Variants in COX10 observed in about 807,000 individuals in gnomAD.
COX10 encodes the protein protoheme IX farnesyltransferase, mitochondrial.
Under a neutral mutation model 37.3 loss-of-function variants are expected in COX10, and 27 were observed. The observed-to-expected ratio is 0.72, with a 90% CI of 0.53 to 1.00. The LOEUF is 1.00. Ranked by LOEUF, COX10 falls within the 50% of genes least tolerant of loss-of-function variation. COX10 has a pLI of 0.00. For missense variants in COX10, 475 were observed against 563.2 expected (o/e 0.84, Z 1.59); for synonymous variants, 222 against 229.1 (o/e 0.97, Z 0.28).
At chr17:14,132,706 A>T (rs955283278) in intron 4 of COX10, among the ~76,000 whole-genome samples, 34 of 151,756 alleles carry the variant, frequency 2.2e-4, no homozygotes, top group Admixed American at 3.9e-4. Flanking sequence ...AGAAGAAGAA[A>T]AAAGACATGT....
chr17:14,092,125 T>G (rs1915541500), intron 3 of COX10, among the ~76,000 whole-genome samples: 1 of 152,150 alleles, frequency 6.6e-6, no homozygotes, highest in Non-Finnish European at 1.5e-5. Context: ...GGAAAAGCGA[T>G]AATTGAAAGA....
chr17:14,204,918 A>G (rs1414375068), intron 6 of COX10, among the ~76,000 whole-genome samples: 1 of 152,134 alleles, frequency 6.6e-6, no homozygotes, highest in Non-Finnish European at 1.5e-5. Context: ...CCTGGGCAAC[A>G]TGGTGAGACC....
At chr17:14,119,478 A>G (rs1916184388) in intron 4 of COX10, among the ~76,000 whole-genome samples, 1 of 152,190 alleles carries the variant, frequency 6.6e-6, no homozygotes, top group African/African-American at 2.4e-5. Flanking sequence ...CCTATTGCCT[A>G]GTGAGGGATG....
At chr17:14,202,223 CTT>C (rs66479644) in intron 6 of COX10, among the ~76,000 whole-genome samples, 4 of 140,048 alleles carry the variant, frequency 2.9e-5, no homozygotes, top group Admixed American at 7.1e-5. Context: ...GTGGCAACAA[CTT>C]TTTTTTTTTT....
chr17:14,097,105 G>A (rs1915668543), intron 3 of COX10, among the ~76,000 whole-genome samples: 1 of 152,066 alleles, frequency 6.6e-6, no homozygotes, highest in African/African-American at 2.4e-5. Flanking sequence ...GGAATAGATT[G>A]CATTCACTTT....
At chr17:14,074,256 G>T in intron 1 of COX10, 67 bp from the exon 2 acceptor site, 1 of 1,589,894 alleles carries the variant, frequency 6.3e-7, no homozygotes. Flanking sequence ...TTCTGGGGAG[G>T]TGTAGTCATC....
rs555820834 is a variant in COX10, at chr17:14,145,203, G to A, written c.625-14674G>A. On this transcript the variant is annotated intron_variant, in intron 4 of 6. Transcript: ENST00000261643. ...GGGGCAGGGAGGGGTGGGTGGGGGC[G>A]CTGTGTAGAAACATCAGATTCTTGA... 1.4e-4 allele frequency among the ~76,000 whole-genome samples: 22 copies of A among 152,024 alleles called. No individual in the cohort carries two copies. In the East Asian group the frequency reaches 2.7e-3, roughly 19 times the overall value.
At chr17:14,079,970 A>T (rs2142184545) in intron 3 of COX10, among the ~76,000 whole-genome samples, 1 of 152,122 alleles carries the variant, frequency 6.6e-6, no homozygotes, top group East Asian at 1.9e-4. Context: ...CATTGTATGG[A>T]TCTGCCATTA....
chr17:14,197,337 GCCT>G (rs1471803222), intron 6 of COX10, among the ~76,000 whole-genome samples: 2 of 152,248 alleles, frequency 1.3e-5, no homozygotes, highest in African/African-American at 4.8e-5. Context: ...ATTCCAGGGG[GCCT>G]TGAGCACTGA....
intron 4 of COX10, among the ~76,000 whole-genome samples, chr17:14,136,782 T>C (rs1001392669): frequency 6.6e-6 from 1 of 152,060 alleles, no homozygotes. Context: ...CATAAAGATA[T>C]TTGCATGTGA....
At chr17:14,153,667 TG>T (rs1018478740) in intron 4 of COX10, among the ~76,000 whole-genome samples, 63 of 152,310 alleles carry the variant, frequency 4.1e-4, no homozygotes, top group Admixed American at 1.0e-3. Flanking sequence ...AATGAAAAAG[TG>T]GCACAACCAC....
intron 2 of COX10, among the ~76,000 whole-genome samples, chr17:14,075,189 T>C (rs112234116): frequency 1.3e-5 from 2 of 152,336 alleles, no homozygotes; most frequent in Admixed American, 6.5e-5. Flanking sequence ...AAACTCGATA[T>C]GTTGATAAGA....
chr17:14,194,208 G>A (rs1315820006), intron 6 of COX10, among the ~76,000 whole-genome samples: 1 of 151,954 alleles, frequency 6.6e-6, no homozygotes, highest in Non-Finnish European at 1.5e-5. Context: ...TGTTGTCCTA[G>A]GGCCCAGGTT....
intron 3 of COX10, among the ~76,000 whole-genome samples, chr17:14,083,122 C>T (rs145098828): frequency 1.3e-5 from 2 of 152,270 alleles, no homozygotes; most frequent in South Asian, 4.1e-4. Flanking sequence ...GGAGCAGCCT[C>T]ACCTACACAC....
At chr17:14,107,116 A>C (rs1367723614) in intron 4 of COX10, among the ~76,000 whole-genome samples, 1 of 151,592 alleles carries the variant, frequency 6.6e-6, no homozygotes, top group African/African-American at 2.4e-5. Context: ...GCACTCCCCC[A>C]CCCCCACTTG....
intron 3 of COX10, among the ~76,000 whole-genome samples, chr17:14,094,284 A>G (rs1319368161): frequency 6.6e-6 from 1 of 150,904 alleles, no homozygotes; most frequent in Non-Finnish European, 1.5e-5. Context: ...ATGTATATTT[A>G]TAATATTTAT....
At chr17:14,156,768 T>C (rs1351573297) in intron 4 of COX10, among the ~76,000 whole-genome samples, 1 of 152,212 alleles carries the variant, frequency 6.6e-6, no homozygotes, top group African/African-American at 2.4e-5. Flanking sequence ...TCCTTGCCCT[T>C]TTCTGTCTCC....
intron 1 of COX10, among the ~76,000 whole-genome samples, chr17:14,072,629 G>A (rs1915051575): frequency 6.6e-6 from 1 of 152,156 alleles, no homozygotes; most frequent in Admixed American, 6.5e-5. Flanking sequence ...ATTTTCCAAG[G>A]TGGTTCCAAG....
intron 4 of COX10, among the ~76,000 whole-genome samples, chr17:14,115,943 C>CT (rs1392071706): frequency 2.0e-5 from 3 of 152,112 alleles, no homozygotes; most frequent in Non-Finnish European, 4.4e-5. Context: ...GATGAATACC[C>CT]TAAGAGCCCA....
Sources: allele counts gnomAD v4.1 joint callset (sites outside exome capture counted in the v4.1 genomes callset), GRCh38; gene constraint gnomAD v4.1.1; transcripts MANE v1.5; gene names NCBI Gene and HGNC (gene_info 2026-07-23, HGNC 2026-07-21).